XKR6: variants seen among roughly 807,000 people sequenced by gnomAD.
XKR6 encodes XK related 6.
XKR6 carries 22 observed loss-of-function variants against 56.7 expected under a neutral mutation model. The ratio of observed to expected loss-of-function variants is 0.39; its 90% confidence interval spans 0.28 to 0.55. The LOEUF (loss-of-function observed/expected upper bound fraction) is 0.55, where lower values mean the gene tolerates loss of function less well. XKR6 is among the 20% of genes least tolerant of loss of function. The pLI is 0.66. For missense variants in XKR6, 852 were observed against 889.0 expected, an observed-to-expected ratio of 0.96 and a Z score of 0.53; for synonymous variants, 524 against 387.8, an observed-to-expected ratio of 1.35 and a Z score of -4.13.
intron 1 of XKR6, among the ~76,000 whole-genome samples, chr8:11,182,445 C>A (rs1301214886): frequency 6.6e-6 from 1 of 152,198 alleles, no homozygotes; most frequent in Non-Finnish European, 1.5e-5. Context: ...TGTAGAAGTG[C>A]AAGTAATCAG....
At chr8:10,901,014 GATTTTT>G (rs1554506455) in intron 2 of XKR6, among the ~76,000 whole-genome samples, 2 of 147,514 alleles carry the variant, frequency 1.4e-5, no homozygotes, top group Non-Finnish European at 3.0e-5. Flanking sequence ...GCCCAGCTAA[GATTTTT>G]ATTTTTATTT....
chr8:10,951,847 A>T (rs1156491357), intron 1 of XKR6, among the ~76,000 whole-genome samples: 1 of 151,936 alleles, frequency 6.6e-6, no homozygotes, highest in East Asian at 1.9e-4. Context: ...CGGACCAAGG[A>T]GGGGGCAGGG....
intron 1 of XKR6, among the ~76,000 whole-genome samples, chr8:11,189,772 C>T (rs561126828): frequency 6.6e-6 from 1 of 152,174 alleles, no homozygotes; most frequent in African/African-American, 2.4e-5. Context: ...GATTCTTGGG[C>T]CCATCCCAGA....
chr8:11,105,680 T>A (rs984517686), intron 1 of XKR6: 25 of 152,336 alleles, frequency 1.6e-4, no homozygotes, highest in African/African-American at 5.3e-4. Flanking sequence ...CTTAGTAAAA[T>A]TCCTTCACAG....
intron 1 of XKR6, among the ~76,000 whole-genome samples, chr8:11,047,665 T>C (rs1270409222): frequency 2.6e-5 from 4 of 152,172 alleles, no homozygotes; most frequent in Admixed American, 2.6e-4. Flanking sequence ...AGAGCTTCAG[T>C]TTGGGAAGAT....
chr8:10,903,948 G>T (rs754037418), intron 2 of XKR6, among the ~76,000 whole-genome samples: 2 of 152,138 alleles, frequency 1.3e-5, no homozygotes, highest in South Asian at 4.1e-4. Flanking sequence ...GAGAATTTCC[G>T]TCTTGTCTGA....
At chr8:11,028,744 G>A (rs897581306) in intron 1 of XKR6, among the ~76,000 whole-genome samples, 5 of 152,156 alleles carry the variant, frequency 3.3e-5, no homozygotes, top group African/African-American at 1.2e-4. Context: ...ATATGAGCTG[G>A]GAACTGGGCA....
chr8:11,129,678 G>T (rs1016582051), intron 1 of XKR6, among the ~76,000 whole-genome samples: 2 of 152,146 alleles, frequency 1.3e-5, no homozygotes, highest in African/African-American at 4.8e-5. Flanking sequence ...GATTCTACCA[G>T]AATTTAAATT....
At chr8:11,030,197 C>A (rs547609374) in intron 1 of XKR6, among the ~76,000 whole-genome samples, 1 of 152,226 alleles carries the variant, frequency 6.6e-6, no homozygotes, top group Non-Finnish European at 1.5e-5. Flanking sequence ...ATTTCCACCT[C>A]CGCGTGGCTC....
rs775617222 is a variant in XKR6, at chr8:10,897,759, G to A, written c.*193C>T. ...ATATCTTTGTATACATACAGCGACT[G>A]GAAAGAAAGCTTATTTGAAGGGGTT... On this transcript the variant is annotated 3_prime_UTR_variant, in exon 3 of 3. Coordinates refer to ENST00000416569, the MANE Select transcript of XKR6 (RefSeq NM_173683.4). 1.0e-4 allele frequency: 61 copies of A among 598,168 alleles called. No individual in the cohort carries two copies. Among genetic ancestry groups the A allele is most frequent in the Non-Finnish European group, 1.4e-4 (52 of 377,292 alleles). 37.1% of individuals were successfully genotyped at this position (598,168 alleles called of 1,614,324 possible).
chr8:11,167,909 A>C (rs1438085421), intron 1 of XKR6, among the ~76,000 whole-genome samples: 1 of 148,708 alleles, frequency 6.7e-6, no homozygotes, highest in East Asian at 1.9e-4. Context: ...AAAAAAAAAA[A>C]AAACCACACA....
chr8:11,183,130 T>TTGCTTC (rs1481142626), intron 1 of XKR6, among the ~76,000 whole-genome samples: 1 of 152,180 alleles, frequency 6.6e-6, no homozygotes, highest in Non-Finnish European at 1.5e-5. Context: ...AAGGCTTAGG[T>TTGCTTC]TGCTTCCACT....
At chr8:10,910,407 G>C (rs4240672) in intron 2 of XKR6, among the ~76,000 whole-genome samples, 1 of 151,942 alleles carries the variant, frequency 6.6e-6, no homozygotes, top group Non-Finnish European at 1.5e-5. Context: ...AGGGACCTTC[G>C]GAAGGCCATG....
chr8:10,966,506 T>G (rs1258041541), intron 1 of XKR6, among the ~76,000 whole-genome samples: 1 of 152,042 alleles, frequency 6.6e-6, no homozygotes, highest in Non-Finnish European at 1.5e-5. Context: ...ACCCCGTCTC[T>G]ACTAAAAATA....
chr8:11,007,103 G>T (rs9329233), intron 1 of XKR6, among the ~76,000 whole-genome samples: 22,309 of 152,116 alleles, frequency 0.15, 5,061 homozygotes, highest in African/African-American at 0.49. Flanking sequence ...AAGTCTTGTT[G>T]TATCTGTCTT....
At chr8:11,005,951 C>T (rs2129144397) in intron 1 of XKR6, among the ~76,000 whole-genome samples, 1 of 145,118 alleles carries the variant, frequency 6.9e-6, no homozygotes, top group Non-Finnish European at 1.5e-5. Context: ...GCAAACTATT[C>T]TCGTGCCTCA....
intron 1 of XKR6, among the ~76,000 whole-genome samples, chr8:11,197,483 T>G (rs1276401961): frequency 6.6e-6 from 1 of 152,184 alleles, no homozygotes; most frequent in Admixed American, 6.5e-5. Context: ...AACAACACAT[T>G]GTACAAAAGT....
intron 2 of XKR6, among the ~76,000 whole-genome samples, chr8:10,908,904 C>A (rs1413712543): frequency 1.3e-5 from 2 of 152,166 alleles, no homozygotes; most frequent in East Asian, 1.9e-4. Flanking sequence ...GTGGCTCACG[C>A]CTGTAATCCC....
chr8:10,904,575 GGAGCAGGT>G (rs1274780502), intron 2 of XKR6, among the ~76,000 whole-genome samples: 3 of 152,186 alleles, frequency 2.0e-5, no homozygotes, highest in Admixed American at 2.0e-4. Context: ...GAACCTGGAG[GGAGCAGGT>G]GAGGCAGGAG....
Sources: gnomAD v4.1 joint callset for allele counts (sites outside exome capture counted in the v4.1 genomes callset) on GRCh38, gnomAD v4.1.1 for gene constraint, MANE v1.5 for transcripts, NCBI Gene and HGNC (gene_info 2026-07-23, HGNC 2026-07-21) for gene names.